Variants in AGBL1 observed in about 807,000 individuals in gnomAD.
The protein encoded by AGBL1 is cytosolic carboxypeptidase 4.
Under a neutral mutation model 118.9 loss-of-function variants are expected in AGBL1, and 130 were observed. That is an observed-to-expected ratio of 1.09 (90% CI 0.95 to 1.26). The LOEUF is 1.26. Among genes scored for constraint, AGBL1 ranks in the 50% most tolerant of loss-of-function variants. AGBL1 has a pLI of 0.00. For synonymous variants in AGBL1, 555 were observed against 478.9 expected (o/e 1.16, Z -2.08); for missense variants, 1,584 against 1,298.1 (o/e 1.22, Z -3.38).
At chr15:86,265,729 G>A (rs2079061442) in intron 11 of AGBL1, among the ~76,000 whole-genome samples, 1 of 152,146 alleles carries the variant, frequency 6.6e-6, no homozygotes. Context: ...TCCCTGCATA[G>A]GACATCTTCC....
chr15:86,230,614 T>C (rs969012869), intron 6 of AGBL1, among the ~76,000 whole-genome samples: 2 of 152,242 alleles, frequency 1.3e-5, no homozygotes, highest in African/African-American at 4.8e-5. Flanking sequence ...CTTCCTTTAG[T>C]TTCCAGATGA....
chr15:86,257,487 G>A (rs1394200068), intron 8 of AGBL1, among the ~76,000 whole-genome samples: 2 of 152,114 alleles, frequency 1.3e-5, no homozygotes, highest in Non-Finnish European at 2.9e-5. Flanking sequence ...ATCCTAGTAC[G>A]AACAGATTTT....
chr15:86,776,781 TGTGTGTGTGA>T lies in AGBL1; in HGVS notation c.3158+102347_3158+102356del, dbSNP rs1262768074. ...GTGTGTGTGTGTGTGTGTGTGTGTGTGTGTGTGTGAGAGAGAGAGAGAATTAAGGGGAATT... is the reference window on the plus strand; with the variant it reads ...GTGTGTGTGTGTGTGTGTGTGTGTGTGAGAGAGAGAGAATTAAGGGGAATT... On this transcript the variant is annotated intron_variant, in intron 22 of 22. Coordinates refer to ENST00000614907, the MANE Select transcript of AGBL1 (RefSeq NM_001386094.1). 5.7e-4 allele frequency among the ~76,000 whole-genome samples: 73 copies of T among 127,570 alleles called. 1 individual carries two copies. The highest frequency in any genetic ancestry group is 2.1e-3 in the African/African-American group (69 of 32,824). The allele number at this position is 127,570 out of a possible 152,430, so 83.7% of individuals were successfully genotyped here. A position where few individuals can be genotyped will look rare whatever the true frequency, so the allele number is the denominator to read the frequency against.
intron 21 of AGBL1, among the ~76,000 whole-genome samples, chr15:86,577,929 T>C (rs2084116902): frequency 3.3e-5 from 5 of 152,164 alleles, no homozygotes; most frequent in Admixed American, 2.6e-4. Context: ...AGGGCTCTCA[T>C]GGAAAACTTC....
At position 86,247,746 on chromosome 15, in the gene AGBL1, A is replaced by G; in HGVS notation, c.602A>G (p.His201Arg). The G allele has an allele frequency of 1.2e-6, 2 of 1,613,938 alleles. No homozygotes were observed. The highest frequency in any genetic ancestry group is 1.1e-5 in the South Asian group (1 of 91,058). ...LLGLHQDWHS[H>R]DTANAYVQIR... is the part of the protein sequence containing the mutation. ...GGGCTGCACCAGGACTGGCACAGCC[A>G]TGACACAGCCAACGCCTACGTGCAG... The change falls in exon 7 of 23, where the codon CAT (histidine) becomes CGT (arginine). Residue 201 changes from histidine (H) to arginine (R), a missense_variant. Transcript: ENST00000614907.
chr15:86,668,773 C>G (rs767360792), intron 21 of AGBL1, among the ~76,000 whole-genome samples: 3 of 152,142 alleles, frequency 2.0e-5, no homozygotes, highest in Non-Finnish European at 4.4e-5. Context: ...GCCAGGACCT[C>G]CAGAGATGAC....
chr15:86,626,588 A>G (rs2084889983), intron 21 of AGBL1, among the ~76,000 whole-genome samples: 1 of 152,174 alleles, frequency 6.6e-6, no homozygotes. Flanking sequence ...TAATCTGTAC[A>G]ACAAACCTTC....
chr15:86,825,387 TAAAAAAAAAAAAAAAAAAAA>T (rs869042604), intron 22 of AGBL1, among the ~76,000 whole-genome samples: 24 of 11,150 alleles, frequency 2.2e-3, no homozygotes, highest in African/African-American at 0.01. Flanking sequence ...GTAGAAACTG[TAAAAAAAAAAAAAAAAAAAA>T]AAAAAAAAAA....
intron 22 of AGBL1, among the ~76,000 whole-genome samples, chr15:86,675,175 C>G (rs952338090): frequency 6.6e-6 from 1 of 152,244 alleles, no homozygotes. Context: ...ATTGCCCACA[C>G]TTTGAGTGTC....
chr15:86,903,856 G>C lies in AGBL1; in HGVS notation c.3159-3231G>C, dbSNP rs373919688. On this transcript the variant is annotated intron_variant, in intron 22 of 22. Transcript: ENST00000614907. Reference sequence around the variant, plus strand: ...TCCTCCTTACTGCTCTCCAGTGGTAGGGGACAGTCTTGTTACCAACAATTG... The same window carrying C: ...TCCTCCTTACTGCTCTCCAGTGGTACGGGACAGTCTTGTTACCAACAATTG... Among the ~76,000 whole-genome samples, 18 of 152,294 alleles carry C rather than the reference G, an allele frequency of 1.2e-4. No individual in the cohort carries two copies. The East Asian group carries it at 2.1e-3, about 18-fold the overall frequency.
At chr15:86,858,192 G>A (rs906201338) in intron 22 of AGBL1, among the ~76,000 whole-genome samples, 11 of 152,098 alleles carry the variant, frequency 7.2e-5, no homozygotes, top group African/African-American at 2.4e-4. Context: ...CTATAAGAGG[G>A]TATCACAGAA....
intron 18 of AGBL1, among the ~76,000 whole-genome samples, chr15:86,473,576 G>A (rs927642725): frequency 1.2e-4 from 19 of 152,018 alleles, no homozygotes; most frequent in African/African-American, 4.6e-4. Context: ...AAAAGGTCAT[G>A]TGTACATACT....
At chr15:86,201,610 A>G (rs186769768) in intron 5 of AGBL1, among the ~76,000 whole-genome samples, 176 of 152,314 alleles carry the variant, frequency 1.2e-3, no homozygotes, top group African/African-American at 4.0e-3. Context: ...TCAAGAGATT[A>G]GGTGATAGCA....
chr15:86,701,242 A>G (rs76307901), intron 22 of AGBL1, among the ~76,000 whole-genome samples: 2,058 of 152,198 alleles, frequency 0.014, 17 homozygotes, highest in Middle Eastern at 0.031. Context: ...GAAGGAGACA[A>G]GAGAGGATAT....
At chr15:86,664,863 C>G (rs564575206) in intron 21 of AGBL1, among the ~76,000 whole-genome samples, 226 of 149,554 alleles carry the variant, frequency 1.5e-3, no homozygotes, top group African/African-American at 5.0e-3. Context: ...AAAATAATAT[C>G]TTAATTCAGA....
Position 86,544,870 on chromosome 15 carries a change from AC to A in AGBL1, c.2686-1131del, listed in dbSNP as rs1394609619. Among the ~76,000 whole-genome samples the A allele has an allele frequency of 2.0e-5, 3 of 152,220 alleles. No homozygotes were observed. In the South Asian group the frequency reaches 6.2e-4, roughly 32 times the overall value. On this transcript the variant is annotated intron_variant, in intron 19 of 22. Transcript: ENST00000614907. ...TAGTCTACTGCAAAGGGTCATGCATACAAGAATAGAAAAAAAGTTGTGGTCT... is the reference window on the plus strand; with the variant it reads ...TAGTCTACTGCAAAGGGTCATGCATAAAGAATAGAAAAAAAGTTGTGGTCT...
intron 22 of AGBL1, among the ~76,000 whole-genome samples, chr15:86,696,041 G>A (rs2086251677): frequency 6.6e-6 from 1 of 151,944 alleles, no homozygotes; most frequent in African/African-American, 2.4e-5. Context: ...GTGCTCATGA[G>A]TAGAATGCAT....
At chr15:86,341,072 A>G (rs748156595) in intron 17 of AGBL1, among the ~76,000 whole-genome samples, 70 of 152,288 alleles carry the variant, frequency 4.6e-4, no homozygotes, top group Non-Finnish European at 8.8e-5. Flanking sequence ...CAGGCTTCTC[A>G]CATGCAAAGT....
At chr15:86,742,591 C>G (rs1862981769) in intron 22 of AGBL1, among the ~76,000 whole-genome samples, 1 of 152,148 alleles carries the variant, frequency 6.6e-6, no homozygotes, top group Non-Finnish European at 1.5e-5. Flanking sequence ...CCTATTGCCT[C>G]TGCCTCTCCA....
Sources: allele counts gnomAD v4.1 joint callset (sites outside exome capture counted in the v4.1 genomes callset), GRCh38; gene constraint gnomAD v4.1.1; transcripts MANE v1.5; gene names NCBI Gene and HGNC (gene_info 2026-07-23, HGNC 2026-07-21).